RALYL: variants seen among roughly 807,000 people sequenced by gnomAD.
RALYL encodes RALY RNA binding protein like.
In RALYL, 29 loss-of-function variants were observed where a neutral mutation model predicts 35.1. The observed-to-expected ratio is 0.83, with a 90% CI of 0.61 to 1.13. The LOEUF (loss-of-function observed/expected upper bound fraction) is 1.13. RALYL is among the 50% of genes most tolerant of loss of function. The pLI, the probability that RALYL is intolerant of heterozygous loss-of-function variation, is 0.00. For missense variants in RALYL, 359 were observed against 360.4 expected (o/e 1.00, Z 0.03); for synonymous variants, 120 against 127.6 (o/e 0.94, Z 0.40).
Position 84,861,640 on chromosome 8 carries a change from C to T in RALYL, c.414-656C>T, listed in dbSNP as rs186086577. Among the ~76,000 whole-genome samples the T allele has an allele frequency of 3.7e-4, 57 of 152,178 alleles. No homozygotes were observed. The East Asian group carries it at 0.011, about 28-fold the overall frequency. The stretch of plus-strand genomic sequence containing the variant: ...AGATATCTTGATAAATATTTCCCAC[C>T]GTAAGTAGTCAACAGTTTTATCCTC... On this transcript the variant is annotated intron_variant, in intron 5 of 8. Transcript: ENST00000521268.
At chr8:84,705,874 T>C in intron 2 of RALYL, 1 of 1,423,316 alleles carries the variant, frequency 7.0e-7, no homozygotes, top group Non-Finnish European at 9.2e-7. Context: ...TGTAATTTTA[T>C]GAGAATGGTA....
chr8:84,678,449 T>C (rs1481810076), intron 2 of RALYL, among the ~76,000 whole-genome samples: 1 of 152,006 alleles, frequency 6.6e-6, no homozygotes, highest in Non-Finnish European at 1.5e-5. Flanking sequence ...ACATTTTTAG[T>C]AGACACAGGG....
chr8:84,235,767 C>CTTTTTTTTTTTTT (rs556495836), intron 1 of RALYL, among the ~76,000 whole-genome samples: 52 of 126,886 alleles, frequency 4.1e-4, no homozygotes, highest in South Asian at 1.3e-3. Context: ...TTTTCTTTTT[C>CTTTTTTTTTTTTT]TTTTTTTTTT....
At chr8:84,306,717 A>C (rs1269606506) in intron 1 of RALYL, among the ~76,000 whole-genome samples, 1 of 152,172 alleles carries the variant, frequency 6.6e-6, no homozygotes, top group African/African-American at 2.4e-5. Context: ...ACTCAGCCCA[A>C]AGATGTGAGG....
At chr8:84,398,477 T>G (rs187878753) in intron 1 of RALYL, among the ~76,000 whole-genome samples, 152 of 152,190 alleles carry the variant, frequency 1.0e-3, no homozygotes, top group Middle Eastern at 3.4e-3. Flanking sequence ...ACCTAGAAAA[T>G]ATTTCATTTT....
At chr8:84,768,933 G>A (rs928147921) in intron 2 of RALYL, among the ~76,000 whole-genome samples, 3 of 152,244 alleles carry the variant, frequency 2.0e-5, no homozygotes, top group African/African-American at 7.2e-5. Flanking sequence ...TGAATATGCT[G>A]TCAATCTAAG....
intron 1 of RALYL, among the ~76,000 whole-genome samples, chr8:84,420,259 T>C (rs1368573640): frequency 3.3e-5 from 5 of 152,244 alleles, no homozygotes; most frequent in African/African-American, 4.8e-5. Flanking sequence ...GAGATGGTAT[T>C]TCATAGTGGT....
chr8:84,292,025 C>G (rs1838860408), intron 1 of RALYL, among the ~76,000 whole-genome samples: 1 of 151,166 alleles, frequency 6.6e-6, no homozygotes, highest in African/African-American at 2.4e-5. Context: ...ATGTACTACT[C>G]AGAAAAATAA....
At chr8:84,769,002 A>AT (rs1232122080) in intron 2 of RALYL, among the ~76,000 whole-genome samples, 15 of 152,196 alleles carry the variant, frequency 9.9e-5, no homozygotes, top group African/African-American at 3.4e-4. Flanking sequence ...ATGCTACAAT[A>AT]TTTTGTCAAT....
chr8:84,214,187 G>T (rs1259106527), intron 1 of RALYL, among the ~76,000 whole-genome samples: 4 of 152,070 alleles, frequency 2.6e-5, no homozygotes, highest in Admixed American at 2.6e-4. Flanking sequence ...GGGTGGAAAA[G>T]ATAAGACAAG....
At chr8:84,675,213 AC>A (rs538002637) in intron 2 of RALYL, among the ~76,000 whole-genome samples, 30 of 152,274 alleles carry the variant, frequency 2.0e-4, no homozygotes, top group African/African-American at 6.7e-4. Flanking sequence ...TTTTCACTAA[AC>A]TTTTAAAATA....
chr8:84,253,348 C>A (rs1830601200), intron 1 of RALYL, among the ~76,000 whole-genome samples: 1 of 149,908 alleles, frequency 6.7e-6, no homozygotes, highest in African/African-American at 2.4e-5. Flanking sequence ...TGCCACCACG[C>A]CAGGCTAATT....
chr8:84,863,098 AAGAAAGG>A (rs1838449717), intron 6 of RALYL, among the ~76,000 whole-genome samples: 1 of 152,216 alleles, frequency 6.6e-6, no homozygotes, highest in East Asian at 1.9e-4. Context: ...ATTATTCATA[AAGAAAGG>A]ATAACAAAAT....
intron 2 of RALYL, among the ~76,000 whole-genome samples, chr8:84,562,120 T>C (rs2061501654): frequency 6.6e-6 from 1 of 151,940 alleles, no homozygotes; most frequent in Admixed American, 6.6e-5. Context: ...AAATGCAAAC[T>C]CAGTAGTCTC....
intron 1 of RALYL, among the ~76,000 whole-genome samples, chr8:84,528,363 G>A (rs1035548574): frequency 6.6e-6 from 1 of 152,006 alleles, no homozygotes; most frequent in Non-Finnish European, 1.5e-5. Flanking sequence ...GGAAAGAAGG[G>A]AAGGAAGGAA....
chr8:84,826,728 A>G (rs1226254488), intron 4 of RALYL, among the ~76,000 whole-genome samples: 5 of 151,612 alleles, frequency 3.3e-5, no homozygotes, highest in Non-Finnish European at 7.4e-5. Flanking sequence ...ACATCTACAC[A>G]CTCATTCACA....
Position 84,830,016 on chromosome 8 carries a change from T to TG in RALYL, c.366-19951dup, listed in dbSNP as rs34806186. 2.8e-3 allele frequency among the ~76,000 whole-genome samples: 304 copies of TG among 107,090 alleles called. 1 individual carries two copies. Among genetic ancestry groups the TG allele is most frequent in the African/African-American group, 5.0e-3 (134 of 26,934 alleles). 70.3% of individuals were successfully genotyped at this position (107,090 alleles called of 152,430 possible). On this transcript the variant is annotated intron_variant, in intron 4 of 8. Coordinates refer to ENST00000521268, the MANE Select transcript of RALYL (RefSeq NM_173848.7). ...ACATCACAGCATTTCAGCACTATACTGGGGGGGGGGGGGCATTTTAAGCTG... is the reference window on the plus strand; with the variant it reads ...ACATCACAGCATTTCAGCACTATACTGGGGGGGGGGGGGGCATTTTAAGCTG...
intron 1 of RALYL, among the ~76,000 whole-genome samples, chr8:84,344,491 C>T (rs1586470331): frequency 6.6e-6 from 1 of 151,890 alleles, no homozygotes; most frequent in African/African-American, 2.4e-5. Context: ...ATAGTAACAC[C>T]TACCTCATTA....
chr8:84,412,570 G>A (rs2044211000), intron 1 of RALYL, among the ~76,000 whole-genome samples: 1 of 151,784 alleles, frequency 6.6e-6, no homozygotes, highest in Non-Finnish European at 1.5e-5. Flanking sequence ...ACTACTAGTT[G>A]GGATACTGAG....
Sources: gnomAD v4.1 joint callset for allele counts (sites outside exome capture counted in the v4.1 genomes callset) on GRCh38, gnomAD v4.1.1 for gene constraint, MANE v1.5 for transcripts, NCBI Gene and HGNC (gene_info 2026-07-23, HGNC 2026-07-21) for gene names.